NPAS3: variants seen among roughly 807,000 people sequenced by gnomAD.
NPAS3 encodes the protein neuronal PAS domain protein 3, also known as neuronal PAS domain-containing protein 3.
In NPAS3, 14 loss-of-function variants were observed where a neutral mutation model predicts 73.1. The observed-to-expected ratio is 0.19, with a 90% confidence interval of 0.13 to 0.30. NPAS3 has a LOEUF of 0.30. Among genes scored for constraint, NPAS3 ranks in the 10% least tolerant of loss-of-function variants. The pLI is 1.00. For missense variants in NPAS3, 1,096 were observed against 1,250.0 expected, an observed-to-expected ratio of 0.88 and a Z score of 1.86; for synonymous variants, 620 against 541.5, an observed-to-expected ratio of 1.14 and a Z score of -2.01.
chr14:33,279,762 ATTATGTAATGTCAGAATAC>A (rs1488645206), intron 3 of NPAS3, among the ~76,000 whole-genome samples: 1 of 152,174 alleles, frequency 6.6e-6, no homozygotes, highest in African/African-American at 2.4e-5. Flanking sequence ...GGGATCTTGC[ATTATGTAATGTCAGAATAC>A]AAAGTATTCT....
intron 4 of NPAS3, among the ~76,000 whole-genome samples, chr14:33,544,865 ATATATATG>A (rs2054766367): frequency 1.5e-5 from 2 of 133,266 alleles, no homozygotes; most frequent in Admixed American, 1.6e-4. Flanking sequence ...TATATATAAT[ATATATATG>A]TATGTATGTA....
At chr14:33,029,280 G>A (rs1245233934) in intron 1 of NPAS3, among the ~76,000 whole-genome samples, 1 of 152,130 alleles carries the variant, frequency 6.6e-6, no homozygotes, top group African/African-American at 2.4e-5. Flanking sequence ...TGGGGAAGAG[G>A]ATAGAGTCAG....
intron 3 of NPAS3, among the ~76,000 whole-genome samples, chr14:33,328,629 T>C (rs933894529): frequency 3.9e-5 from 6 of 151,910 alleles, no homozygotes; most frequent in Admixed American, 3.3e-4. Context: ...GGCTAATTTT[T>C]TGTATTTTTA....
intron 4 of NPAS3, among the ~76,000 whole-genome samples, chr14:33,442,006 A>G (rs946736695): frequency 4.6e-5 from 7 of 152,186 alleles, no homozygotes; most frequent in African/African-American, 1.4e-4. Flanking sequence ...CAGCCAAACC[A>G]TATCAGCTCT....
At chr14:33,397,806 G>A (rs781001199) in intron 4 of NPAS3, among the ~76,000 whole-genome samples, 30 of 152,088 alleles carry the variant, frequency 2.0e-4, no homozygotes, top group Non-Finnish European at 3.1e-4. Flanking sequence ...TGACCACTGC[G>A]CTCTGAGTAG....
intron 2 of NPAS3, among the ~76,000 whole-genome samples, chr14:33,202,507 G>A (rs533903441): frequency 6.6e-6 from 1 of 152,248 alleles, no homozygotes; most frequent in African/African-American, 2.4e-5. Context: ...ATTTTTATGA[G>A]AGGACTAAGC....
At chr14:33,720,157 T>C (rs1272226899) in intron 6 of NPAS3, among the ~76,000 whole-genome samples, 1 of 152,194 alleles carries the variant, frequency 6.6e-6, no homozygotes, top group Non-Finnish European at 1.5e-5. Flanking sequence ...GTGATTCTTC[T>C]CTAGAGCCTC....
chr14:33,102,439 C>G (rs544313293), intron 2 of NPAS3, among the ~76,000 whole-genome samples: 1 of 152,192 alleles, frequency 6.6e-6, no homozygotes, highest in Admixed American at 6.6e-5. Flanking sequence ...CTATTTAGAA[C>G]CTTGGCTTCT....
At chr14:33,603,311 A>G (rs2057457412) in intron 5 of NPAS3, among the ~76,000 whole-genome samples, 1 of 152,246 alleles carries the variant, frequency 6.6e-6, no homozygotes, top group Non-Finnish European at 1.5e-5. Context: ...CAGAGGGAAA[A>G]GTGAACTTAA....
chr14:33,295,170 G>T (rs1041865913), intron 3 of NPAS3, among the ~76,000 whole-genome samples: 1 of 152,046 alleles, frequency 6.6e-6, no homozygotes, highest in Non-Finnish European at 1.5e-5. Flanking sequence ...AACACCAAGG[G>T]ATTATTATAG....
intron 2 of NPAS3, among the ~76,000 whole-genome samples, chr14:33,070,374 T>C (rs2041443637): frequency 6.6e-6 from 1 of 152,144 alleles, no homozygotes; most frequent in African/African-American, 2.4e-5. Context: ...GCATTGCTAC[T>C]GTGGAACTCA....
intron 3 of NPAS3, among the ~76,000 whole-genome samples, chr14:33,243,513 A>G (rs1006415538): frequency 1.3e-5 from 2 of 152,098 alleles, no homozygotes; most frequent in African/African-American, 4.8e-5. Context: ...CATTTTATCT[A>G]GTTCCCAGGT....
At chr14:33,735,875 T>C (rs2061512089) in intron 7 of NPAS3, among the ~76,000 whole-genome samples, 2 of 152,110 alleles carry the variant, frequency 1.3e-5, no homozygotes, top group Non-Finnish European at 2.9e-5. Context: ...GAATACTCGA[T>C]ATACGTAAGT....
chr14:33,767,950 A>G (rs1455426318), intron 7 of NPAS3, among the ~76,000 whole-genome samples: 1 of 152,228 alleles, frequency 6.6e-6, no homozygotes, highest in African/African-American at 2.4e-5. Context: ...GAACAGAAAT[A>G]TACATTTGCC....
chr14:33,342,582 T>A (rs1306771158), intron 3 of NPAS3, among the ~76,000 whole-genome samples: 1 of 152,206 alleles, frequency 6.6e-6, no homozygotes, highest in Non-Finnish European at 1.5e-5. Context: ...TTTTGCAGAG[T>A]GTGAATTTTA....
rs548861213 is a variant in NPAS3, at chr14:33,022,528, G to A, written c.51-33377G>A. 1.4e-4 allele frequency among the ~76,000 whole-genome samples: 22 copies of A among 152,192 alleles called. No homozygotes were observed. In the East Asian group the frequency reaches 3.9e-3, roughly 27 times the overall value. On this transcript the variant is annotated intron_variant, in intron 1 of 11. Coordinates refer to ENST00000356141, the Ensembl canonical transcript of NPAS3. ...AAAATACAAAAAAGTAGCTGGGCGT[G>A]GTGGCGGGAGCCTGTAGTCCTAGCT...
chr14:33,074,711 C>A (rs190225077), intron 2 of NPAS3, among the ~76,000 whole-genome samples: 1 of 152,194 alleles, frequency 6.6e-6, no homozygotes, highest in Non-Finnish European at 1.5e-5. Flanking sequence ...GCCACGCGCT[C>A]GGCCAACACT....
chr14:33,418,510 ATACTTTT>A (rs1197940453), intron 4 of NPAS3, among the ~76,000 whole-genome samples: 1 of 151,914 alleles, frequency 6.6e-6, no homozygotes, highest in Non-Finnish European at 1.5e-5. Flanking sequence ...AAGCAGTCAA[ATACTTTT>A]TACAAACATT....
intron 1 of NPAS3, among the ~76,000 whole-genome samples, chr14:32,997,760 TAA>T (rs36083770): frequency 2.8e-4 from 31 of 112,702 alleles, no homozygotes; most frequent in Admixed American, 2.8e-4. Flanking sequence ...CCGTCTCTAC[TAA>T]AAAAAAAAAA....
Sources: allele counts gnomAD v4.1 joint callset (sites outside exome capture counted in the v4.1 genomes callset), GRCh38; gene constraint gnomAD v4.1.1; transcripts MANE v1.5; gene names NCBI Gene and HGNC (gene_info 2026-07-23, HGNC 2026-07-21).